Variants in SLC35F4 observed in about 807,000 individuals in gnomAD.
The protein encoded by SLC35F4 is solute carrier family 35 member F4, also known as chromosome 14 open reading frame 36.
Under a neutral mutation model 44.2 loss-of-function variants are expected in SLC35F4, and 24 were observed. The ratio of observed to expected loss-of-function variants is 0.54; its 90% CI spans 0.39 to 0.76. SLC35F4 has a LOEUF of 0.76. Ranked by LOEUF, SLC35F4 falls within the 30% of genes least tolerant of loss-of-function variation. The pLI, the probability that SLC35F4 is intolerant of heterozygous loss-of-function variation, is 0.00. For synonymous variants in SLC35F4, 238 were observed against 223.6 expected (o/e 1.06, Z -0.57); for missense variants, 562 against 586.1 (o/e 0.96, Z 0.42).
intron 1 of SLC35F4, among the ~76,000 whole-genome samples, chr14:57,792,510 A>T (rs2077948345): frequency 6.6e-6 from 1 of 152,162 alleles, no homozygotes; most frequent in African/African-American, 2.4e-5. Context: ...GAACCAGCCT[A>T]AATGCCCATC....
intron 1 of SLC35F4, among the ~76,000 whole-genome samples, chr14:57,931,179 T>G (rs1043428486): frequency 6.6e-6 from 1 of 152,204 alleles, no homozygotes; most frequent in African/African-American, 2.4e-5. Flanking sequence ...CAGGTCTCTG[T>G]GACTCCCAGT....
chr14:57,623,024 G>T (rs764684082), intron 1 of SLC35F4, among the ~76,000 whole-genome samples: 21 of 151,986 alleles, frequency 1.4e-4, no homozygotes, highest in Non-Finnish European at 1.0e-4. Context: ...TGGCAAATTG[G>T]ATAAAGAGTC....
intron 1 of SLC35F4, among the ~76,000 whole-genome samples, chr14:57,680,067 C>CA (rs1460510861): frequency 3.3e-5 from 5 of 151,812 alleles, no homozygotes; most frequent in Non-Finnish European, 2.9e-5. Context: ...AGAGACCCAA[C>CA]AAAAAAAGGA....
intron 4 of SLC35F4, among the ~76,000 whole-genome samples, chr14:57,579,857 A>G (rs1340413242): frequency 2.0e-5 from 3 of 152,178 alleles, no homozygotes; most frequent in Non-Finnish European, 4.4e-5. Context: ...TCTTAAAATT[A>G]TTAATATTCA....
chr14:57,687,257 A>C (rs2075094469), intron 1 of SLC35F4, among the ~76,000 whole-genome samples: 2 of 152,170 alleles, frequency 1.3e-5, no homozygotes, highest in South Asian at 4.1e-4. Flanking sequence ...GAAAATCCAC[A>C]TTATAAACCA....
At chr14:57,858,123 G>A (rs1463262787) in intron 1 of SLC35F4, among the ~76,000 whole-genome samples, 2 of 152,016 alleles carry the variant, frequency 1.3e-5, no homozygotes, top group East Asian at 1.9e-4. Flanking sequence ...ACAGTGTGGT[G>A]ATTCCTCAAG....
intron 2 of SLC35F4, among the ~76,000 whole-genome samples, chr14:57,589,946 G>C (rs1052833066): frequency 1.3e-5 from 2 of 152,138 alleles, no homozygotes; most frequent in East Asian, 3.9e-4. Flanking sequence ...CTTCCCCTCT[G>C]TCATTTCAAA....
chr14:57,723,276 T>C (rs188501670), intron 1 of SLC35F4, among the ~76,000 whole-genome samples: 1 of 152,186 alleles, frequency 6.6e-6, no homozygotes, highest in South Asian at 2.1e-4. Flanking sequence ...AACCCCCACA[T>C]TGGCTCCCTG....
At chr14:57,582,507 G>A (rs954971855) in intron 3 of SLC35F4, among the ~76,000 whole-genome samples, 1 of 152,124 alleles carries the variant, frequency 6.6e-6, no homozygotes, top group African/African-American at 2.4e-5. Flanking sequence ...TGGCTCTGAG[G>A]GGCCATTTTA....
chr14:57,813,285 T>C (rs1298271151), intron 1 of SLC35F4, among the ~76,000 whole-genome samples: 1 of 152,218 alleles, frequency 6.6e-6, no homozygotes, highest in African/African-American at 2.4e-5. Flanking sequence ...ATAGCATTAA[T>C]ACTTATAAAA....
At chr14:57,809,797 C>T (rs766645203) in intron 1 of SLC35F4, among the ~76,000 whole-genome samples, 1 of 152,178 alleles carries the variant, frequency 6.6e-6, no homozygotes, top group Non-Finnish European at 1.5e-5. Context: ...CAGAAGCTGA[C>T]AAAATTAATC....
chr14:57,939,645 C>T (rs1433596434), intron 1 of SLC35F4, among the ~76,000 whole-genome samples: 1 of 152,204 alleles, frequency 6.6e-6, no homozygotes, highest in Non-Finnish European at 1.5e-5. Context: ...CCAATAGCGA[C>T]TCAATACTAT....
At chr14:57,792,352 G>A (rs1354859103) in intron 1 of SLC35F4, among the ~76,000 whole-genome samples, 1 of 152,110 alleles carries the variant, frequency 6.6e-6, no homozygotes, top group African/African-American at 2.4e-5. Flanking sequence ...ACAGTGTGAA[G>A]ATTCCTGAAA....
intron 1 of SLC35F4, among the ~76,000 whole-genome samples, chr14:57,741,719 T>C (rs901731668): frequency 6.6e-6 from 1 of 152,078 alleles, no homozygotes; most frequent in Admixed American, 6.6e-5. Flanking sequence ...AACATTCAAA[T>C]TCAGGAAATA....
At chr14:57,567,997 C>T (rs2068287512) in intron 6 of SLC35F4, among the ~76,000 whole-genome samples, 1 of 152,206 alleles carries the variant, frequency 6.6e-6, no homozygotes, top group Non-Finnish European at 1.5e-5. Flanking sequence ...AGCCAGATCA[C>T]ATCTGATTTC....
intron 1 of SLC35F4, among the ~76,000 whole-genome samples, chr14:57,656,389 A>G (rs2073974596): frequency 6.7e-6 from 1 of 148,244 alleles, no homozygotes; most frequent in Non-Finnish European, 1.5e-5. Flanking sequence ...ACACACACAC[A>G]CACACACACA....
chr14:57,594,144 G>A lies in SLC35F4; in HGVS notation c.104-20C>T, dbSNP rs17724076. On this transcript the variant is annotated intron_variant, in intron 1 of 7. Coordinates refer to ENST00000556826, the MANE Select transcript of SLC35F4 (RefSeq NM_001306087.2). ...AGGTACCTGGAAAGACAGAGTTCAC[G>A]CCAGTTTGAGAACTGCCTGAACAAA... The A allele has an allele frequency of 0.32, 512,989 of 1,603,972 alleles. 84,047 individuals carry two copies. The highest frequency in any genetic ancestry group is 0.34 in the Non-Finnish European group (396,893 of 1,173,916).
chr14:57,580,145 A>T (rs887753988), intron 4 of SLC35F4, among the ~76,000 whole-genome samples: 1 of 152,198 alleles, frequency 6.6e-6, no homozygotes, highest in African/African-American at 2.4e-5. Context: ...ACTTATTAAT[A>T]TGAAGCTTCA....
intron 1 of SLC35F4, among the ~76,000 whole-genome samples, chr14:57,848,642 C>T (rs1886246466): frequency 6.6e-6 from 1 of 152,156 alleles, no homozygotes; most frequent in South Asian, 2.1e-4. Context: ...GCACTGACAG[C>T]TTTTTGTTCT....
Sources: gnomAD v4.1 joint callset for allele counts (sites outside exome capture counted in the v4.1 genomes callset) on GRCh38, gnomAD v4.1.1 for gene constraint, MANE v1.5 for transcripts, NCBI Gene and HGNC (gene_info 2026-07-23, HGNC 2026-07-21) for gene names.